Variants in USP40 observed in about 807,000 individuals in gnomAD.
USP40 encodes ubiquitin carboxyl-terminal hydrolase 40.
USP40 carries 143 observed loss-of-function variants against 166.2 expected under a neutral mutation model. That is an observed-to-expected ratio of 0.86 (90% CI 0.75 to 0.99). The LOEUF (loss-of-function observed/expected upper bound fraction) is 0.99, where lower values mean the gene tolerates loss of function less well. Ranked by LOEUF, USP40 falls within the 50% of genes least tolerant of loss-of-function variation. USP40 has a pLI of 0.00. For synonymous variants in USP40, 498 were observed against 524.0 expected, an observed-to-expected ratio of 0.95 and a Z score of 0.68; for missense variants, 1,444 against 1,479.7, an observed-to-expected ratio of 0.98 and a Z score of 0.40.
chr2:233,495,467 G>T (rs2065692418), intron 24 of USP40, among the ~76,000 whole-genome samples: 1 of 151,732 alleles, frequency 6.6e-6, no homozygotes, highest in Non-Finnish European at 1.5e-5. Flanking sequence ...ATGTTGCCAA[G>T]GCTGGTCTTG....
At chr2:233,530,635 T>A (rs1216642166) in intron 11 of USP40, among the ~76,000 whole-genome samples, 2 of 152,190 alleles carry the variant, frequency 1.3e-5, no homozygotes. Context: ...AGAAATAGTA[T>A]CTGATTTGGT....
intron 12 of USP40, among the ~76,000 whole-genome samples, chr2:233,528,995 A>G (rs951454210): frequency 3.3e-5 from 5 of 152,202 alleles, no homozygotes; most frequent in African/African-American, 7.2e-5. Context: ...TATAGCATCC[A>G]TATTTCCCTC....
At chr2:233,489,539 T>C in intron 26 of USP40, 56 bp from the exon 27 acceptor site, 2 of 1,410,914 alleles carry the variant, frequency 1.4e-6, no homozygotes, top group Non-Finnish European at 9.6e-7. Flanking sequence ...CTTCAAAACA[T>C]ACTGTTTTAG....
intron 26 of USP40, among the ~76,000 whole-genome samples, chr2:233,490,833 A>AT (rs1156615278): frequency 1.3e-5 from 2 of 152,192 alleles, no homozygotes; most frequent in African/African-American, 2.4e-5. Context: ...TACACAAACA[A>AT]TGTAAATAAA....
chr2:233,533,862 T>C, intron 10 of USP40, 83 bp from the exon 11 acceptor site: 1 of 1,306,962 alleles, frequency 7.7e-7, no homozygotes, highest in Non-Finnish European at 1.0e-6. Context: ...TCTTCCTTTC[T>C]GTGATTAGAT....
chr2:233,540,123 CA>C (rs74742520), intron 10 of USP40, among the ~76,000 whole-genome samples: 102 of 50,098 alleles, frequency 2.0e-3, no homozygotes, highest in South Asian at 6.5e-3. Flanking sequence ...GACCTCAACT[CA>C]AAAAAAAAAA....
intron 8 of USP40, 50 bp downstream of exon 8, chr2:233,549,051 G>C (rs2070274639): frequency 6.6e-7 from 1 of 1,520,976 alleles, no homozygotes; most frequent in Admixed American, 2.2e-5. Flanking sequence ...AAAATAATAG[G>C]AATAGAAAAG....
intron 10 of USP40, among the ~76,000 whole-genome samples, chr2:233,539,593 A>G (rs2069206398): frequency 6.6e-6 from 1 of 152,168 alleles, no homozygotes; most frequent in Non-Finnish European, 1.5e-5. Flanking sequence ...CTTGTTGAAT[A>G]TAACTGACTA....
chr2:233,477,513 C>G lies in USP40; in HGVS notation c.3600-10G>C. 6.2e-7 allele frequency: 1 copy of G among 1,610,358 alleles called. No individual in the cohort carries two copies. The highest frequency in any genetic ancestry group is 2.2e-5 in the East Asian group (1 of 44,842). On this transcript the variant is annotated splice_polypyrimidine_tract_variant and intron_variant, in intron 31 of 31. Transcript: ENST00000678225. ...ATGGAGGGCTTCTTGGCTGCAGAGA[C>G]ACAGACACTGTCATTGACTCATGGA...
At chr2:233,534,620 A>G (rs1374625487) in intron 10 of USP40, among the ~76,000 whole-genome samples, 2 of 152,226 alleles carry the variant, frequency 1.3e-5, no homozygotes, top group Non-Finnish European at 2.9e-5. Context: ...CAACAAACAG[A>G]AGAGTGTAGG....
intron 15 of USP40, among the ~76,000 whole-genome samples, chr2:233,523,876 T>C (rs1296477552): frequency 1.3e-5 from 2 of 152,032 alleles, no homozygotes; most frequent in African/African-American, 4.8e-5. Context: ...TCTTCTAAAT[T>C]CCCACAGGCA....
At position 233,493,271 on chromosome 2, in the gene USP40, T is replaced by C; in HGVS notation, c.2917+154A>G. On this transcript the variant is annotated intron_variant, in intron 25 of 31. Coordinates refer to ENST00000678225, the MANE Select transcript of USP40 (RefSeq NM_001365479.2). This position sits in a 1 kb window ranked among gnomAD's most constrained non-coding sequence, Gnocchi z 4.7. ...CAGAAATGGCACAGTGTTATTATTATGTGATGTCTGGAATGACTTATGAAA... is the reference window on the plus strand; with the variant it reads ...CAGAAATGGCACAGTGTTATTATTACGTGATGTCTGGAATGACTTATGAAA... 1 of 1,026,370 alleles carries C rather than the reference T, an allele frequency of 9.7e-7. No individual in the cohort carries two copies. Among genetic ancestry groups the C allele is most frequent in the South Asian group, 1.6e-5 (1 of 64,486 alleles). 63.6% of individuals were successfully genotyped at this position (1,026,370 alleles called of 1,614,324 possible). A position where few individuals can be genotyped will look rare whatever the true frequency, so the allele number is the denominator to read the frequency against.
At position 233,498,608 on chromosome 2, in the gene USP40, A is replaced by G. The variant is rs775285625; in HGVS notation, c.2655T>C (p.Asp885=). The change falls in exon 23 of 32, where the codon GAT becomes GAC. Residue 885 remains aspartate, a synonymous_variant. Coordinates refer to ENST00000678225, the MANE Select transcript of USP40 (RefSeq NM_001365479.2). ...AATCCATTTTTCGTAAATGCCAGGC[A>G]TCTCCTATAAAGGAGTCAAAATTGG... ...LMLKKSGLQG[D]AWHLRKMDWC... is the part of the protein sequence containing the mutation. 4 of 1,613,366 alleles carry G rather than the reference A, an allele frequency of 2.5e-6. No homozygotes were observed. The East Asian group carries it at 8.9e-5, about 36-fold the overall frequency.
intron 16 of USP40, among the ~76,000 whole-genome samples, chr2:233,521,798 A>C (rs1369436748): frequency 6.6e-6 from 1 of 152,166 alleles, no homozygotes; most frequent in East Asian, 1.9e-4. Context: ...TAGCAATCCC[A>C]AATAAAACAA....
rs753309623 is a variant in USP40 at position 233,512,615 on chromosome 2, GT to G, written c.2390del (p.Asn797ThrfsTer4). ...TTCTATCAATAGGTCTCAAACAGCT[GT>G]TGTCAGCTATATATAAAAGGAATAT... ...ELKLMKELAD[N>X]SCLRPIDRNG... On this transcript the variant is annotated frameshift_variant, in exon 19 of 32. Transcript: ENST00000678225. LOFTEE classifies it high-confidence loss of function. 1.4e-6 allele frequency: 2 copies of G among 1,478,956 alleles called. No homozygotes were observed. Among genetic ancestry groups the G allele is most frequent in the Non-Finnish European group, 1.8e-6 (2 of 1,098,684 alleles). 91.6% of individuals were successfully genotyped at this position (1,478,956 alleles called of 1,614,324 possible).
At position 233,523,319 on chromosome 2, in the gene USP40, T is replaced by C. The variant is rs2125225712; in HGVS notation, c.2052A>G (p.Pro684=). Residue 684 remains proline, a synonymous_variant, in exon 16 of 32, where the codon CCA becomes CCG. Transcript: ENST00000678225. ...VGTVLTALAI[P]AGVIFINSAG... ...CACTGTTGATGAAGATGACACCTGC[T>C]GGGATTGCTAAGGCTGTGAGGACAG... is the stretch of plus-strand genomic sequence containing the variant. 3 of 1,614,046 alleles carry C rather than the reference T, an allele frequency of 1.9e-6. No individual in the cohort carries two copies. The highest frequency in any genetic ancestry group is 2.5e-6 in the Non-Finnish European group (3 of 1,179,888).
At chr2:233,555,131 C>G (rs376032732) in intron 5 of USP40, among the ~76,000 whole-genome samples, 1 of 151,792 alleles carries the variant, frequency 6.6e-6, no homozygotes, top group Non-Finnish European at 1.5e-5. Flanking sequence ...AGGCGGAGGT[C>G]GCAGTGAGCC....
At chr2:233,521,514 G>A (rs555510413) in intron 16 of USP40, among the ~76,000 whole-genome samples, 1 of 152,114 alleles carries the variant, frequency 6.6e-6, no homozygotes, top group African/African-American at 2.4e-5. Flanking sequence ...TGCACAAAAG[G>A]GCCACATCTA....
At chr2:233,482,614 A>T in intron 30 of USP40, among the ~76,000 whole-genome samples, 1 of 138,708 alleles carries the variant, frequency 7.2e-6, no homozygotes, top group African/African-American at 2.9e-5. Context: ...TTTTTGACAC[A>T]CGGTCTGACT....
Sources: allele counts gnomAD v4.1 joint callset (sites outside exome capture counted in the v4.1 genomes callset), GRCh38; gene constraint gnomAD v4.1.1; non-coding constraint Gnocchi (gnomAD v3.1); transcripts MANE v1.5; gene names NCBI Gene and HGNC (gene_info 2026-07-23, HGNC 2026-07-21).